The following TMEM117 variants were observed in gnomAD, a reference collection of about 807,000 sequenced individuals.
The protein encoded by TMEM117 is transmembrane protein 117.
Under a neutral mutation model 52.4 loss-of-function variants are expected in TMEM117, and 27 were observed. That is an observed-to-expected ratio of 0.51 (90% CI 0.38 to 0.71). The LOEUF is 0.71. Among genes scored for constraint, TMEM117 ranks in the 30% least tolerant of loss-of-function variants. The pLI is 0.00. For missense variants in TMEM117, 556 were observed against 630.5 expected (o/e 0.88, Z 1.26); for synonymous variants, 215 against 206.3 (o/e 1.04, Z -0.36).
At chr12:43,835,202 T>C (rs886786785), upstream of TMEM117, among the ~76,000 whole-genome samples, 2 of 152,066 alleles carry the variant, frequency 1.3e-5, no homozygotes, top group African/African-American at 4.8e-5. Flanking sequence ...CACACATACA[T>C]GATGGAAAGG....
chr12:44,035,707 AG>A (rs1249988883), intron 3 of TMEM117, among the ~76,000 whole-genome samples: 2 of 152,242 alleles, frequency 1.3e-5, no homozygotes, highest in Non-Finnish European at 2.9e-5. Flanking sequence ...CTTGGATTTT[AG>A]ATGACTTTTA....
chr12:43,917,492 C>T (rs994659289), intron 2 of TMEM117, among the ~76,000 whole-genome samples: 1 of 152,132 alleles, frequency 6.6e-6, no homozygotes, highest in Admixed American at 6.5e-5. Flanking sequence ...CCTCATTTTA[C>T]ATATAACCAG....
At chr12:44,183,493 A>G (rs530689396) in intron 4 of TMEM117, among the ~76,000 whole-genome samples, 1 of 152,338 alleles carries the variant, frequency 6.6e-6, no homozygotes, top group African/African-American at 2.4e-5. Flanking sequence ...TTCCTGCACA[A>G]TTATCACTAT....
chr12:44,101,571 T>A (rs1325478558), intron 3 of TMEM117, among the ~76,000 whole-genome samples: 1 of 151,958 alleles, frequency 6.6e-6, no homozygotes, highest in Non-Finnish European at 1.5e-5. Flanking sequence ...CTGTTCCACA[T>A]CATACTACAT....
chr12:44,208,363 T>TTAA, intron 4 of TMEM117, among the ~76,000 whole-genome samples: 1 of 152,032 alleles, frequency 6.6e-6, no homozygotes, highest in African/African-American at 2.4e-5. Context: ...CAAAGAGTTA[T>TTAA]GCACATTTCT....
At chr12:43,880,896 T>A (rs1406787) in intron 2 of TMEM117, among the ~76,000 whole-genome samples, 106,557 of 152,194 alleles carry the variant, frequency 0.7, 41,297 homozygotes, top group East Asian at 0.87. Flanking sequence ...CCATTCTTCA[T>A]GTAAAAGTAT....
At chr12:44,171,726 A>G (rs917769480) in intron 4 of TMEM117, among the ~76,000 whole-genome samples, 1 of 152,230 alleles carries the variant, frequency 6.6e-6, no homozygotes, top group Admixed American at 6.5e-5. Flanking sequence ...CCTCTTAACT[A>G]TGCTATTTTC....
Position 43,844,625 on chromosome 12 carries a change from T to G in TMEM117, c.-27T>G, listed in dbSNP as rs894488500. 4 of 1,602,700 alleles carry G rather than the reference T, an allele frequency of 2.5e-6. No individual in the cohort carries two copies. Among genetic ancestry groups the G allele is most frequent in the Non-Finnish European group, 3.4e-6 (4 of 1,175,448 alleles). On this transcript the variant is annotated splice_region_variant and 5_prime_UTR_variant, in exon 2 of 8. Coordinates refer to ENST00000266534, the MANE Select transcript of TMEM117 (RefSeq NM_032256.3). Reference sequence around the variant, plus strand: ...CCCTATCTATCTTTTCTTATACAGGTAAACTACGAACTGGGAGTTCTGAAG... The same window carrying G: ...CCCTATCTATCTTTTCTTATACAGGGAAACTACGAACTGGGAGTTCTGAAG...
rs1371299954 is a variant in TMEM117, at chr12:43,958,802, TG to T, written c.410+14461del. On this transcript the variant is annotated intron_variant, in intron 3 of 7. Transcript: ENST00000266534. ...GTGTAAAATGCATGGTTTCTTTTTTTGTTAGTTTGTTTGTTTGTTTTTGAGA... is the reference window on the plus strand; with the variant it reads ...GTGTAAAATGCATGGTTTCTTTTTTTTTAGTTTGTTTGTTTGTTTTTGAGA... Among the ~76,000 whole-genome samples the T allele has an allele frequency of 1.4e-4, 18 of 129,274 alleles. No individual in the cohort carries two copies. In the South Asian group the frequency reaches 3.7e-3, roughly 26 times the overall value. 84.8% of individuals were successfully genotyped at this position (129,274 alleles called of 152,430 possible).
intron 2 of TMEM117, among the ~76,000 whole-genome samples, chr12:43,862,444 G>A (rs556372588): frequency 1.4e-4 from 21 of 152,248 alleles, no homozygotes; most frequent in Admixed American, 5.9e-4. Context: ...GGCGTGAGCC[G>A]CTGCACCCAG....
At chr12:43,824,277 G>C in the TMEM117 span, among the ~76,000 whole-genome samples, 1 of 152,190 alleles carries the variant, frequency 6.6e-6, no homozygotes, top group South Asian at 2.1e-4. Flanking sequence ...TTTCACTAAG[G>C]CTTGAGGGAC....
chr12:44,372,863 T>C (rs1951883451), intron 6 of TMEM117, among the ~76,000 whole-genome samples: 1 of 152,202 alleles, frequency 6.6e-6, no homozygotes, highest in African/African-American at 2.4e-5. Flanking sequence ...GTGACAACTT[T>C]CCTGAGGCAG....
intron 3 of TMEM117, among the ~76,000 whole-genome samples, chr12:44,053,382 T>C (rs1947005127): frequency 6.6e-6 from 1 of 152,228 alleles, no homozygotes. Flanking sequence ...GGAGGGGTCC[T>C]GGGTACAGAG....
At chr12:44,118,017 T>A (rs1005853495) in intron 3 of TMEM117, among the ~76,000 whole-genome samples, 19 of 152,040 alleles carry the variant, frequency 1.2e-4, no homozygotes, top group African/African-American at 3.9e-4. Context: ...TTTATCCTGA[T>A]ACACACCTTG....
rs12306297 is a variant in TMEM117, at chr12:44,176,351, G to A, written c.510+32727G>A. Among the ~76,000 whole-genome samples the A allele has an allele frequency of 8.9e-3, 1,354 of 152,256 alleles. 25 individuals carry two copies. Among genetic ancestry groups the A allele is most frequent in the African/African-American group, 0.03 (1,260 of 41,546 alleles). ...CCCAATAAATACCTGTGGAATGAAC[G>A]AGTGAATAATACATCTCTGTTAATA... On this transcript the variant is annotated intron_variant, in intron 4 of 7. Transcript: ENST00000266534.
chr12:43,939,677 A>G (rs1178955241), intron 2 of TMEM117, among the ~76,000 whole-genome samples: 1 of 152,184 alleles, frequency 6.6e-6, no homozygotes, highest in Admixed American at 6.5e-5. Context: ...TGTGCACCTA[A>G]TAGAGGTGGG....
At chr12:43,938,100 A>G (rs757641072) in intron 2 of TMEM117, among the ~76,000 whole-genome samples, 1 of 151,846 alleles carries the variant, frequency 6.6e-6, no homozygotes, top group Non-Finnish European at 1.5e-5. Context: ...GCAGGAACTG[A>G]CATCAGGGGG....
chr12:43,835,831 C>T (rs1019604091), upstream of TMEM117: 2 of 152,004 alleles, frequency 1.3e-5, no homozygotes, highest in Non-Finnish European at 2.9e-5. Flanking sequence ...TGGAGTCAGC[C>T]CGTGGTGCGG....
Position 44,262,834 on chromosome 12 carries a change from G to A in TMEM117, c.609-36746G>A, listed in dbSNP as rs188604552. 1.6e-3 allele frequency among the ~76,000 whole-genome samples: 251 copies of A among 152,226 alleles called. 1 individual carries two copies. Among genetic ancestry groups the A allele is most frequent in the Admixed American group, 2.6e-3 (40 of 15,290 alleles). On this transcript the variant is annotated intron_variant, in intron 5 of 7. Coordinates refer to ENST00000266534, the MANE Select transcript of TMEM117 (RefSeq NM_032256.3). ...CATCTCCTGACTTCGTGATCCACCCGCCTCGGCCTCCCAAAGTGCTGGGAT... is the reference window on the plus strand; with the variant it reads ...CATCTCCTGACTTCGTGATCCACCCACCTCGGCCTCCCAAAGTGCTGGGAT...
Sources: allele counts gnomAD v4.1 joint callset (sites outside exome capture counted in the v4.1 genomes callset), GRCh38; gene constraint gnomAD v4.1.1; transcripts MANE v1.5; gene names NCBI Gene and HGNC (gene_info 2026-07-23, HGNC 2026-07-21).